Variants in VIPR1 observed in about 807,000 individuals in gnomAD.
VIPR1 encodes vasoactive intestinal peptide receptor 1, also known as vasoactive intestinal polypeptide receptor 1.
Under a neutral mutation model 58.8 loss-of-function variants are expected in VIPR1, and 59 were observed. That is an observed-to-expected ratio of 1.00 (90% CI 0.81 to 1.25). The LOEUF (loss-of-function observed/expected upper bound fraction) is 1.25, where lower values mean the gene tolerates loss of function less well. Among genes scored for constraint, VIPR1 ranks in the 50% most tolerant of loss-of-function variants. The probability of loss-of-function intolerance (pLI) is 0.00; values close to 1 mark genes in which losing one functional copy is unlikely to be tolerated. For missense variants in VIPR1, 626 were observed against 602.7 expected (o/e 1.04, Z -0.40); for synonymous variants, 251 against 242.1 (o/e 1.04, Z -0.34).
chr3:42,504,037 C>G (rs1699998145), intron 1 of VIPR1, among the ~76,000 whole-genome samples: 1 of 152,132 alleles, frequency 6.6e-6, no homozygotes, highest in Non-Finnish European at 1.5e-5. Context: ...TTGGCAGGAG[C>G]CTCACCTCCA....
upstream of VIPR1, among the ~76,000 whole-genome samples, chr3:42,499,537 G>A (rs1176868170): frequency 6.6e-6 from 1 of 152,202 alleles, no homozygotes; most frequent in Non-Finnish European, 1.5e-5. Flanking sequence ...AGAGACTAGG[G>A]ACAGGTTTTA....
chr3:42,513,957 G>A, intron 2 of VIPR1, 103 bp downstream of exon 2: 1 of 1,313,306 alleles, frequency 7.6e-7, no homozygotes. Context: ...ACATTTATTG[G>A]ATGATGGTGA....
At chr3:42,515,735 G>T (rs2125648775) in intron 2 of VIPR1, among the ~76,000 whole-genome samples, 1 of 152,340 alleles carries the variant, frequency 6.6e-6, no homozygotes. Flanking sequence ...GTCTGGAGCT[G>T]CGTCTGTGCC....
At chr3:42,535,460 G>A in intron 12 of VIPR1, 76 bp downstream of exon 12, 1 of 1,516,784 alleles carries the variant, frequency 6.6e-7, no homozygotes. Context: ...GGTGGGATAT[G>A]TGCAGAGCAA....
At position 42,536,702 on chromosome 3, in the gene VIPR1, C is replaced by A. The variant is rs1701869490; in HGVS notation, c.*421C>A. The A allele has an allele frequency of 6.0e-6, 1 of 166,100 alleles. No homozygotes were observed. The highest frequency in any genetic ancestry group is 1.3e-5 in the Non-Finnish European group (1 of 77,798). 10.3% of individuals were successfully genotyped at this position (166,100 alleles called of 1,614,324 possible). A position where few individuals can be genotyped will look rare whatever the true frequency, so the allele number is the denominator to read the frequency against. On this transcript the variant is annotated 3_prime_UTR_variant, in exon 13 of 13. Transcript: ENST00000325123. ...GCAGAAAGGTTCTGCCCGGGAAGGT[C>A]ACCAGCACCAACACCACGGTAGTGC...
Position 42,502,650 on chromosome 3 carries a change from C to T in VIPR1, c.-86C>T. The T allele has an allele frequency of 1.9e-6, 2 of 1,075,202 alleles. No homozygotes were observed. The highest frequency in any genetic ancestry group is 2.4e-6 in the Non-Finnish European group (2 of 843,244). 66.6% of individuals were successfully genotyped at this position (1,075,202 alleles called of 1,614,324 possible). A position where few individuals can be genotyped will look rare whatever the true frequency, so the allele number is the denominator to read the frequency against. On this transcript the variant is annotated 5_prime_UTR_variant, in exon 1 of 13. Transcript: ENST00000325123. ...GGCCACAGCGCCAGCGCCACTCTGC[C>T]AGGCTCCCGGCCATCGCCCGCCTGG...
intron 1 of VIPR1, chr3:42,513,520 T>C (rs984035545): frequency 2.0e-5 from 10 of 507,314 alleles, no homozygotes; most frequent in African/African-American, 1.9e-4. Context: ...GCAGCACTAA[T>C]GGGGGAGCCA....
intron 3 of VIPR1, among the ~76,000 whole-genome samples, chr3:42,524,541 C>T (rs1410109776): frequency 6.6e-6 from 1 of 152,180 alleles, no homozygotes; most frequent in East Asian, 1.9e-4. Flanking sequence ...CCTAGCTGTC[C>T]CTCAGTTCTT....
chr3:42,503,139 C>T (rs1699947105), intron 1 of VIPR1, among the ~76,000 whole-genome samples: 1 of 152,054 alleles, frequency 6.6e-6, no homozygotes, highest in Non-Finnish European at 1.5e-5. Context: ...CCAGTGGGTG[C>T]AGAGTCAGGT....
chr3:42,498,187 A>G (rs72862504), upstream of VIPR1, among the ~76,000 whole-genome samples: 3,262 of 152,256 alleles, frequency 0.021, 102 homozygotes, highest in African/African-American at 0.074. Context: ...TTGCCACTCA[A>G]CTGTGAGGAG....
intron 6 of VIPR1, chr3:42,529,649 A>G (rs1468556064): frequency 6.6e-6 from 1 of 152,050 alleles, no homozygotes; most frequent in Non-Finnish European, 1.5e-5. Flanking sequence ...TACAGGAAGG[A>G]AGGGTGGGAA....
intron 1 of VIPR1, chr3:42,506,328 T>G (rs1027309945): frequency 2.0e-5 from 3 of 152,222 alleles, no homozygotes; most frequent in Non-Finnish European, 4.4e-5. Flanking sequence ...TGCTGGGCCC[T>G]TCACTGTGGC....
In VIPR1 at chr3:42,535,992, A is replaced by G. The variant is rs78164774; in HGVS notation, c.1183-98A>G. ...CCTCCATTTTGATTTCCTAAAGAGA[A>G]TAAGACTGGCTAGTTCAGAACCCTA... On this transcript the variant is annotated intron_variant, in intron 12 of 12. Transcript: ENST00000325123. 5,683 of 1,374,888 alleles carry G rather than the reference A, an allele frequency of 4.1e-3. 20 individuals are homozygous for G. Among genetic ancestry groups the G allele is most frequent in the Middle Eastern group, 0.012 (59 of 5,032 alleles). The allele number at this position is 1,374,888 out of a possible 1,614,324, so 85.2% of individuals were successfully genotyped here.
At chr3:42,528,166 T>A in intron 6 of VIPR1, 43 bp downstream of exon 6, 1 of 1,602,944 alleles carries the variant, frequency 6.2e-7, no homozygotes, top group Non-Finnish European at 8.5e-7. Context: ...GTCTCGCCGT[T>A]ATCTTTAACC....
upstream of VIPR1, among the ~76,000 whole-genome samples, chr3:42,500,790 C>T (rs874531): frequency 6.6e-6 from 1 of 152,188 alleles, no homozygotes; most frequent in Admixed American, 6.5e-5. Flanking sequence ...TTCAAACACT[C>T]CCGCCATTGG....
chr3:42,521,674 A>G (rs1349316988), intron 3 of VIPR1: 1 of 152,244 alleles, frequency 6.6e-6, no homozygotes, highest in East Asian at 1.9e-4. Context: ...AAATACCTGA[A>G]GGAGGGAGTT....
At chr3:42,512,846 C>A (rs1388313724) in intron 1 of VIPR1, 1 of 985,496 alleles carries the variant, frequency 1.0e-6, no homozygotes. Flanking sequence ...ACGCTTCCTC[C>A]ATGGAGGCCT....
At chr3:42,519,387 AC>A in intron 3 of VIPR1, 57 bp downstream of exon 3, 1 of 1,470,472 alleles carries the variant, frequency 6.8e-7, no homozygotes. Context: ...GTGGGGACTC[AC>A]CTCTCAAGGA....
chr3:42,495,618 A>G (rs1419193960), intron 1 of VIPR1, among the ~76,000 whole-genome samples: 1 of 151,964 alleles, frequency 6.6e-6, no homozygotes, highest in Admixed American at 6.6e-5. Flanking sequence ...GAGGTTCTAG[A>G]GTTCAGAGAC....
Sources: gnomAD v4.1 joint callset for allele counts (sites outside exome capture counted in the v4.1 genomes callset) on GRCh38, gnomAD v4.1.1 for gene constraint, MANE v1.5 for transcripts, NCBI Gene and HGNC (gene_info 2026-07-23, HGNC 2026-07-21) for gene names.